VAV2: variants seen among roughly 807,000 people sequenced by gnomAD.
VAV2 encodes the protein guanine nucleotide exchange factor VAV2.
In VAV2, 67 loss-of-function variants were observed where a neutral mutation model predicts 132.5. The ratio of observed to expected loss-of-function variants is 0.51; its 90% confidence interval spans 0.42 to 0.62. The LOEUF (loss-of-function observed/expected upper bound fraction) is 0.62. Ranked by LOEUF, VAV2 falls within the 20% of genes least tolerant of loss-of-function variation. VAV2 has a pLI of 0.00. For missense variants in VAV2, 938 were observed against 1,153.6 expected, an observed-to-expected ratio of 0.81 and a Z score of 2.71; for synonymous variants, 492 against 443.5, an observed-to-expected ratio of 1.11 and a Z score of -1.37.
intron 2 of VAV2, among the ~76,000 whole-genome samples, chr9:133,878,533 C>T (rs1364849060): frequency 1.3e-5 from 2 of 152,184 alleles, no homozygotes; most frequent in South Asian, 2.1e-4. Context: ...ACGGCTGCCC[C>T]GCTGCAGTCA....
At chr9:133,888,950 GAC>G (rs1034178392) in intron 2 of VAV2, among the ~76,000 whole-genome samples, 1 of 152,190 alleles carries the variant, frequency 6.6e-6, no homozygotes, top group Non-Finnish European at 1.5e-5. Context: ...GCAAGGAGAC[GAC>G]ACGAACAGCA....
intron 1 of VAV2, among the ~76,000 whole-genome samples, chr9:133,945,128 T>A (rs2132157670): frequency 6.6e-6 from 1 of 152,336 alleles, no homozygotes; most frequent in South Asian, 2.1e-4. Context: ...CTAGCAAGGA[T>A]GTAACTGAGC....
chr9:133,968,629 G>A (rs1347626342), intron 1 of VAV2, among the ~76,000 whole-genome samples: 3 of 152,314 alleles, frequency 2.0e-5, no homozygotes, highest in Admixed American at 2.0e-4. Context: ...GGGCTCTGGG[G>A]CTGCCTGGGG....
At chr9:133,809,904 C>T (rs1835295650) in intron 6 of VAV2, among the ~76,000 whole-genome samples, 1 of 152,218 alleles carries the variant, frequency 6.6e-6, no homozygotes, top group Non-Finnish European at 1.5e-5. Context: ...TGCTGTGACC[C>T]ACAGCGCTCG....
At chr9:133,792,683 C>CCCACCCCA (rs1554774412) in intron 12 of VAV2, among the ~76,000 whole-genome samples, 3 of 127,980 alleles carry the variant, frequency 2.3e-5, no homozygotes, top group African/African-American at 8.9e-5. Context: ...AAGGGACCCC[C>CCCACCCCA]CCCCCCACCC....
chr9:133,957,530 C>A (rs1046320965), intron 1 of VAV2, among the ~76,000 whole-genome samples: 2 of 152,154 alleles, frequency 1.3e-5, no homozygotes, highest in African/African-American at 4.8e-5. Flanking sequence ...AGCTCCCTGC[C>A]TCCCCGGCTG....
chr9:133,857,121 C>T lies in VAV2; in HGVS notation c.380+4253G>A, dbSNP rs1042120526. ...GACCTCCCAGCCTGAGGACACCTTT[C>T]GGTTTCCTTCTCAGGAAGTCCTACC... On this transcript the variant is annotated intron_variant, in intron 3 of 29. Coordinates refer to ENST00000371850, the MANE Select transcript of VAV2 (RefSeq NM_001134398.2). The surrounding 1 kb of genome is among the most constrained non-coding windows in gnomAD (Gnocchi z 4.0). Among the ~76,000 whole-genome samples the T allele has an allele frequency of 5.9e-5, 9 of 152,190 alleles. No homozygotes were observed. Among genetic ancestry groups the T allele is most frequent in the African/African-American group, 1.9e-4 (8 of 41,440 alleles).
chr9:133,939,376 T>A, intron 1 of VAV2, 157 bp from the exon 2 acceptor site: 2 of 714,532 alleles, frequency 2.8e-6, no homozygotes, highest in Non-Finnish European at 4.9e-6. Flanking sequence ...CTCAGAGAGA[T>A]GACGAAACCC....
chr9:133,971,693 G>A (rs1246192535), intron 1 of VAV2, among the ~76,000 whole-genome samples: 2 of 152,172 alleles, frequency 1.3e-5, no homozygotes, highest in Non-Finnish European at 2.9e-5. Flanking sequence ...CAGGACAGGG[G>A]CCCCAGGAGC....
chr9:133,762,323 A>T lies in VAV2; in HGVS notation c.*1739T>A, dbSNP rs1833285902. 6.6e-6 allele frequency: 1 copy of T among 152,658 alleles called. No homozygotes were observed. Among genetic ancestry groups the T allele is most frequent in the Non-Finnish European group, 1.5e-5 (1 of 68,044 alleles). The allele number at this position is 152,658 out of a possible 1,614,324, so 9.5% of individuals were successfully genotyped here. A position where few individuals can be genotyped will look rare whatever the true frequency, so the allele number is the denominator to read the frequency against. ...ATACATCATTTTCTTGCTATTATAA[A>T]ATCTCTTATTATTCACAGATATATA... is the stretch of plus-strand genomic sequence containing the variant. On this transcript the variant is annotated 3_prime_UTR_variant, in exon 30 of 30. Coordinates refer to ENST00000371850, the MANE Select transcript of VAV2 (RefSeq NM_001134398.2). The surrounding 1 kb of genome is among the most constrained non-coding windows in gnomAD (Gnocchi z 5.0).
intron 15 of VAV2, among the ~76,000 whole-genome samples, chr9:133,787,622 C>T (rs1834280024): frequency 6.8e-6 from 1 of 147,538 alleles, no homozygotes. Flanking sequence ...CCCCCCACCC[C>T]ACCAGGGCTG....
chr9:133,776,565 C>T (rs1331615897), intron 23 of VAV2, among the ~76,000 whole-genome samples: 2 of 152,150 alleles, frequency 1.3e-5, no homozygotes, highest in East Asian at 1.9e-4. Context: ...GCCTCAGAGA[C>T]TACCTCTTCC....
At chr9:133,839,974 G>A (rs943458578) in intron 3 of VAV2, among the ~76,000 whole-genome samples, 1 of 152,168 alleles carries the variant, frequency 6.6e-6, no homozygotes, top group Non-Finnish European at 1.5e-5. Flanking sequence ...ACAAGGCCTA[G>A]CTCCACCCCC....
intron 1 of VAV2, among the ~76,000 whole-genome samples, chr9:133,980,217 G>A (rs10993882): frequency 0.12 from 18,939 of 152,220 alleles, 1,402 homozygotes; most frequent in African/African-American, 0.19. Context: ...CGGTGGAGGG[G>A]GGAAGTGAAT....
At chr9:133,880,744 G>A (rs977314778) in intron 2 of VAV2, among the ~76,000 whole-genome samples, 7 of 152,334 alleles carry the variant, frequency 4.6e-5, no homozygotes, top group South Asian at 2.1e-4. Flanking sequence ...TGGGGGACCC[G>A]GGTGTGGAAT....
chr9:133,976,415 T>C (rs1842513511), intron 1 of VAV2, among the ~76,000 whole-genome samples: 1 of 148,958 alleles, frequency 6.7e-6, no homozygotes, highest in Non-Finnish European at 1.5e-5. Flanking sequence ...TCTCCTGGCC[T>C]CACCCTCGAT....
chr9:133,845,804 G>C (rs1836911166), intron 3 of VAV2, among the ~76,000 whole-genome samples: 1 of 152,246 alleles, frequency 6.6e-6, no homozygotes, highest in Non-Finnish European at 1.5e-5. Context: ...TATCAGCCCT[G>C]GTGAGACAGG....
intron 2 of VAV2, among the ~76,000 whole-genome samples, chr9:133,868,905 G>A (rs938297255): frequency 3.9e-5 from 6 of 152,362 alleles, no homozygotes; most frequent in African/African-American, 1.4e-4. Flanking sequence ...GCTGGGTGCA[G>A]TGGCTCATGC....
At chr9:133,774,256 G>A (rs1179161440) in intron 25 of VAV2, among the ~76,000 whole-genome samples, 1 of 152,182 alleles carries the variant, frequency 6.6e-6, no homozygotes, top group East Asian at 1.9e-4. Context: ...GATTTAATGT[G>A]CACCATGAGT....
Sources: allele counts gnomAD v4.1 joint callset (sites outside exome capture counted in the v4.1 genomes callset), GRCh38; gene constraint gnomAD v4.1.1; non-coding constraint Gnocchi (gnomAD v3.1); transcripts MANE v1.5; gene names NCBI Gene and HGNC (gene_info 2026-07-23, HGNC 2026-07-21).